Variants in PPM1L observed in about 807,000 individuals in gnomAD.
PPM1L encodes the protein protein phosphatase 1L.
In PPM1L, 13 loss-of-function variants were observed where a neutral mutation model predicts 31.4. That is an observed-to-expected ratio of 0.41 (90% CI 0.27 to 0.66). PPM1L has a LOEUF of 0.66. PPM1L is among the 30% of genes least tolerant of loss of function. PPM1L has a pLI of 0.29. For missense variants in PPM1L, 326 were observed against 453.7 expected, an observed-to-expected ratio of 0.72 and a Z score of 2.56; for synonymous variants, 184 against 175.4, an observed-to-expected ratio of 1.05 and a Z score of -0.39.
At chr3:161,052,401 ACT>A (rs1193645051) in intron 2 of PPM1L, among the ~76,000 whole-genome samples, 2 of 152,196 alleles carry the variant, frequency 1.3e-5, no homozygotes, top group African/African-American at 4.8e-5. Context: ...AGGAAAACTC[ACT>A]GTTTGCTCCA....
chr3:160,953,817 G>A (rs1042390392), intron 1 of PPM1L, among the ~76,000 whole-genome samples: 1 of 152,132 alleles, frequency 6.6e-6, no homozygotes, highest in African/African-American at 2.4e-5. Context: ...TTAATATGTT[G>A]TGTAACTTTA....
chr3:160,909,936 A>T (rs966161384), intron 1 of PPM1L, among the ~76,000 whole-genome samples: 10 of 152,164 alleles, frequency 6.6e-5, no homozygotes, highest in Admixed American at 3.9e-4. Flanking sequence ...TGTGAAGGTG[A>T]TGTACTGACC....
At chr3:160,763,797 A>G (rs1715031875) in intron 1 of PPM1L, among the ~76,000 whole-genome samples, 1 of 152,190 alleles carries the variant, frequency 6.6e-6, no homozygotes, top group Admixed American at 6.5e-5. Flanking sequence ...GAGACAGAGC[A>G]GTGAAGATGA....
intron 1 of PPM1L, among the ~76,000 whole-genome samples, chr3:160,836,826 A>C (rs1713730434): frequency 6.6e-6 from 1 of 152,184 alleles, no homozygotes; most frequent in Non-Finnish European, 1.5e-5. Context: ...AATTTTTACC[A>C]ATCTCATGTG....
intron 1 of PPM1L, among the ~76,000 whole-genome samples, chr3:160,875,393 G>A (rs1712470722): frequency 6.6e-6 from 1 of 152,188 alleles, no homozygotes; most frequent in Non-Finnish European, 1.5e-5. Context: ...AATATTTATA[G>A]TTGTGTGACA....
At chr3:161,012,195 A>G (rs1717917959) in intron 2 of PPM1L, among the ~76,000 whole-genome samples, 1 of 152,198 alleles carries the variant, frequency 6.6e-6, no homozygotes, top group South Asian at 2.1e-4. Flanking sequence ...ACGTCCCATC[A>G]ATACCTAATT....
chr3:160,964,982 C>A (rs545329832), intron 2 of PPM1L, among the ~76,000 whole-genome samples: 3 of 151,886 alleles, frequency 2.0e-5, no homozygotes, highest in Admixed American at 6.6e-5. Flanking sequence ...CTGGTTGCAG[C>A]GGCTCACGCC....
At chr3:160,891,710 C>T (rs1278544266) in intron 1 of PPM1L, among the ~76,000 whole-genome samples, 1 of 152,156 alleles carries the variant, frequency 6.6e-6, no homozygotes, top group African/African-American at 2.4e-5. Flanking sequence ...ATGTTTATTG[C>T]AGCACTATTT....
chr3:160,966,895 A>G (rs565867578), intron 2 of PPM1L, among the ~76,000 whole-genome samples: 4 of 152,170 alleles, frequency 2.6e-5, no homozygotes, highest in African/African-American at 9.6e-5. Flanking sequence ...AAGGTTCAAT[A>G]ATGTTTTTTA....
At chr3:160,863,849 G>A (rs1444494042) in intron 1 of PPM1L, among the ~76,000 whole-genome samples, 1 of 152,120 alleles carries the variant, frequency 6.6e-6, no homozygotes. Flanking sequence ...ATAGTCCCCT[G>A]CAAGCCCCTT....
intron 1 of PPM1L, among the ~76,000 whole-genome samples, chr3:160,951,656 A>G (rs1036562691): frequency 9.2e-5 from 14 of 152,208 alleles, no homozygotes; most frequent in Non-Finnish European, 1.5e-4. Flanking sequence ...CCACATGAAT[A>G]TAGTGTCAGA....
chr3:160,879,108 T>G (rs898301677), intron 1 of PPM1L, among the ~76,000 whole-genome samples: 1 of 152,156 alleles, frequency 6.6e-6, no homozygotes, highest in Non-Finnish European at 1.5e-5. Context: ...AAACAGAACA[T>G]TTTCATATTA....
intron 1 of PPM1L, among the ~76,000 whole-genome samples, chr3:160,894,421 AG>A (rs1713266535): frequency 6.6e-6 from 1 of 152,178 alleles, no homozygotes; most frequent in South Asian, 2.1e-4. Context: ...GAAGTATGCA[AG>A]TTTTATCATA....
In PPM1L at chr3:161,072,148, T is replaced by TA. The variant is rs397952424; in HGVS notation, c.*2993dup. 1 of 151,842 alleles carries TA rather than the reference T, an allele frequency of 6.6e-6. No homozygotes were observed. Among genetic ancestry groups the TA allele is most frequent in the Non-Finnish European group, 1.5e-5 (1 of 68,032 alleles). 9.4% of individuals were successfully genotyped at this position (151,842 alleles called of 1,614,324 possible). On this transcript the variant is annotated 3_prime_UTR_variant, in exon 4 of 4. Coordinates refer to ENST00000498165, the MANE Select transcript of PPM1L (RefSeq NM_139245.4). ...GAGGGACAGCTAGGGAAATTTTTTT[T>TA]AATTAATTGTATCTAAAATTCTTTC...
At chr3:160,779,188 G>A (rs1257512901) in intron 1 of PPM1L, among the ~76,000 whole-genome samples, 3 of 151,900 alleles carry the variant, frequency 2.0e-5, no homozygotes, top group African/African-American at 7.3e-5. Context: ...AAGAGGTGGT[G>A]TTGGGAGAAT....
chr3:161,060,895 T>C (rs1719552698), intron 2 of PPM1L, among the ~76,000 whole-genome samples: 1 of 152,076 alleles, frequency 6.6e-6, no homozygotes, highest in Admixed American at 6.5e-5. Flanking sequence ...GGCCCTGGTA[T>C]TTTTGATAAA....
chr3:160,871,385 A>G (rs1457597999), intron 1 of PPM1L, among the ~76,000 whole-genome samples: 1 of 152,234 alleles, frequency 6.6e-6, no homozygotes, highest in Non-Finnish European at 1.5e-5. Context: ...CTTCATGCAC[A>G]TGAAGTGTTC....
chr3:161,040,463 A>G (rs191990877), intron 2 of PPM1L, among the ~76,000 whole-genome samples: 224 of 152,368 alleles, frequency 1.5e-3, no homozygotes, highest in African/African-American at 5.1e-3. Context: ...ATTTGCAAGT[A>G]AGAGCAACAT....
chr3:161,049,928 C>A (rs1455978180), intron 2 of PPM1L, among the ~76,000 whole-genome samples: 1 of 152,144 alleles, frequency 6.6e-6, no homozygotes, highest in African/African-American at 2.4e-5. Flanking sequence ...GTCAAAGCTT[C>A]CCATGCAGCA....
Sources: gnomAD v4.1 joint callset for allele counts (sites outside exome capture counted in the v4.1 genomes callset) on GRCh38, gnomAD v4.1.1 for gene constraint, MANE v1.5 for transcripts, NCBI Gene and HGNC (gene_info 2026-07-23, HGNC 2026-07-21) for gene names.